The following FN1 variants were observed in gnomAD, a reference collection of about 807,000 sequenced individuals.
FN1 encodes fibronectin 1, also known as fibronectin.
In FN1, 106 loss-of-function variants were observed where a neutral mutation model predicts 297.3. The ratio of observed to expected loss-of-function variants is 0.36; its 90% CI spans 0.30 to 0.42. The LOEUF (loss-of-function observed/expected upper bound fraction) is 0.42. Among genes scored for constraint, FN1 ranks in the 10% least tolerant of loss-of-function variants. The probability of loss-of-function intolerance (pLI) is 1.00; values close to 1 mark genes in which losing one functional copy is unlikely to be tolerated. For synonymous variants in FN1, 1,149 were observed against 1,152.6 expected, an observed-to-expected ratio of 1.00 and a Z score of 0.06; for missense variants, 2,690 against 3,124.9, an observed-to-expected ratio of 0.86 and a Z score of 3.32.
chr2:215,371,086 C>G (rs180950659), intron 40 of FN1, among the ~76,000 whole-genome samples: 8 of 150,910 alleles, frequency 5.3e-5, no homozygotes, highest in African/African-American at 1.9e-4. Flanking sequence ...TGGCCAACAT[C>G]GTGAAACCCC....
At chr2:215,432,625 G>A (rs2066728165) in intron 3 of FN1, among the ~76,000 whole-genome samples, 1 of 152,166 alleles carries the variant, frequency 6.6e-6, no homozygotes, top group Non-Finnish European at 1.5e-5. Context: ...AAGTCTTTAA[G>A]ACGACTTATA....
rs746165881 is a variant in FN1 at position 215,428,235 on chromosome 2, G to A, written c.789C>T (p.Asn263=). Residue 263 remains asparagine, a synonymous_variant, in exon 6 of 46, where the codon AAC becomes AAT. Transcript: ENST00000354785. The part of the protein sequence containing the change: ...GNLLQCICTG[N]GRGEWKCERH... ...TCTCACACTTCCACTCTCCTCGGCC[G>A]TTGCCTGTGCAGATGCACTGGAGCA... 1.3e-5 allele frequency: 21 copies of A among 1,614,066 alleles called. No homozygotes were observed. The highest frequency in any genetic ancestry group is 8.3e-5 in the Admixed American group (5 of 60,010).
At chr2:215,364,202 T>C (rs903150242) in intron 44 of FN1, among the ~76,000 whole-genome samples, 1 of 152,264 alleles carries the variant, frequency 6.6e-6, no homozygotes, top group Non-Finnish European at 1.5e-5. Flanking sequence ...TCATTTCCTC[T>C]GTTTTTCCTA....
In FN1 at chr2:215,404,488, G is replaced by C. The variant is rs768770747; in HGVS notation, c.3154C>G (p.Pro1052Ala). ...GATGCAGGCTGCAGATTCCTCAGTG[G>C]GTACTTGGAGACAGAGGGACCCACA... ...YNVGPSVSKY[P>A]LRNLQPASEY... The change falls in exon 20 of 46, where the codon CCA (proline) becomes GCA (alanine). Residue 1052 changes from proline (P) to alanine (A), a missense_variant. Around this residue, in one of 3 missense-constraint regions of FN1, gnomAD observed 1,743 missense variants for 1,945.2 expected, o/e 0.90. Transcript: ENST00000354785. The C allele has an allele frequency of 2.5e-6, 4 of 1,614,022 alleles. No individual in the cohort carries two copies. The South Asian group carries it at 4.4e-5, about 18-fold the overall frequency.
intron 24 of FN1, 86 bp from the exon 25 acceptor site, chr2:215,393,289 G>A: frequency 7.8e-7 from 1 of 1,285,948 alleles, no homozygotes. Flanking sequence ...TGTATATCAG[G>A]TTACTAGTAG....
Position 215,387,066 on chromosome 2 carries a change from C to T in FN1, c.4343-108G>A. The T allele has an allele frequency of 3.1e-6, 3 of 953,858 alleles. No individual in the cohort carries two copies. The South Asian group carries it at 4.8e-5, about 15-fold the overall frequency. The allele number at this position is 953,858 out of a possible 1,614,324, so 59.1% of individuals were successfully genotyped here. A position where few individuals can be genotyped will look rare whatever the true frequency, so the allele number is the denominator to read the frequency against. ...ATTAACGTACATCCAACATTTCGTT[C>T]CTGTCTCATCAATACCATGATTTGC... On this transcript the variant is annotated intron_variant, in intron 27 of 45. Transcript: ENST00000354785.
chr2:215,387,795 A>C (rs1018814148), intron 27 of FN1, among the ~76,000 whole-genome samples: 8 of 152,232 alleles, frequency 5.3e-5, no homozygotes, highest in Non-Finnish European at 1.0e-4. Flanking sequence ...TATGAGATTC[A>C]ATTCAACTTC....
rs1269562375 is a variant in FN1, at chr2:215,389,016, A to G, written c.4253-715T>C. 6.1e-4 allele frequency among the ~76,000 whole-genome samples: 92 copies of G among 151,058 alleles called. No homozygotes were observed. The Admixed American group carries it at 6.1e-3, about 10-fold the overall frequency. ...GGAAAAAAGCCACACTTAGAAAGCA[A>G]TCGGTTCTGCCATATTAAAATGAGA... On this transcript the variant is annotated intron_variant, in intron 26 of 45. Coordinates refer to ENST00000354785, the MANE Select transcript of FN1 (RefSeq NM_212482.4).
At chr2:215,413,097 G>C (rs2062912852) in intron 13 of FN1, among the ~76,000 whole-genome samples, 1 of 152,052 alleles carries the variant, frequency 6.6e-6, no homozygotes, top group Non-Finnish European at 1.5e-5. Flanking sequence ...GCTTCGTATA[G>C]GAATTATTGC....
At chr2:215,385,382 TA>T (rs755842637) in intron 28 of FN1, among the ~76,000 whole-genome samples, 8 of 149,914 alleles carry the variant, frequency 5.3e-5, no homozygotes, top group Non-Finnish European at 1.2e-4. Context: ...GCCAACATGG[TA>T]AAATCCCATC....
Position 215,406,438 on chromosome 2 carries a change from G to T in FN1, c.2786C>A (p.Pro929Gln), listed in dbSNP as rs370103949. 2.5e-6 allele frequency: 4 copies of T among 1,613,976 alleles called. No homozygotes were observed. The East Asian group carries it at 8.9e-5, about 36-fold the overall frequency. ...TDVKVTIMWTPPESAVTGYRV... is the reference protein window; with the variant it reads ...TDVKVTIMWTQPESAVTGYRV... The stretch of plus-strand genomic sequence containing the variant: ...GTAGCCGGTCACTGCACTCTCAGGC[G>T]GTGTCCACATGATGGTGACCTTCAC... Residue 929 changes from proline (P) to glutamine (Q), a missense_variant, in exon 19 of 46, where the codon CCG becomes CAG. Pro to Gln is a moderately conservative substitution (Grantham distance 76). Transcript: ENST00000354785.
rs762328949 is a variant in FN1, at chr2:215,361,996, A to G, written c.7335T>C (p.Ser2445=). ...GTTGQSYNQY[S]QRYHQRTNTN... The stretch of plus-strand genomic sequence containing the variant: ...TGTTTGTTCTCTGATGGTATCTCTG[A>G]GAATACTGGTTGTAGGACTGGCCAG... Residue 2445 remains serine, a synonymous_variant, in exon 45 of 46, where the codon TCT becomes TCC. Transcript: ENST00000354785. 4.3e-6 allele frequency: 7 copies of G among 1,613,926 alleles called. No individual in the cohort carries two copies. In the Admixed American group the frequency reaches 1.2e-4, roughly 27 times the overall value.
chr2:215,369,215 TAAA>T (rs58108373), intron 41 of FN1, among the ~76,000 whole-genome samples: 4 of 138,014 alleles, frequency 2.9e-5, no homozygotes, highest in African/African-American at 1.1e-4. Context: ...ATGGAATCTT[TAAA>T]AAAAAAAAAA....
Position 215,397,144 on chromosome 2 carries a change from G to A in FN1, c.3597C>T (p.Thr1199=), listed in dbSNP as rs2060392611. 6.2e-7 allele frequency: 1 copy of A among 1,611,376 alleles called. No homozygotes were observed. Among genetic ancestry groups the A allele is most frequent in the South Asian group, 1.1e-5 (1 of 91,042 alleles). ...GVLTVSWERS[T]TPDITGYRIT... is the part of the protein sequence containing the mutation. ...GATCCATCCCAAACTTACCTGGGGTGGTGCTCCTCTCCCAGGAGACTGTGA... is the reference window on the plus strand; with the variant it reads ...GATCCATCCCAAACTTACCTGGGGTAGTGCTCCTCTCCCAGGAGACTGTGA... The change falls in exon 23 of 46, where the codon ACC becomes ACT. Residue 1199 remains threonine, a synonymous_variant. Transcript: ENST00000354785.
intron 26 of FN1, among the ~76,000 whole-genome samples, chr2:215,390,249 T>C (rs2059564839): frequency 6.6e-6 from 1 of 152,164 alleles, no homozygotes; most frequent in African/African-American, 2.4e-5. Flanking sequence ...AGTGGCACGA[T>C]CATGGCTTGC....
At chr2:215,378,542 G>A (rs748926475) in intron 34 of FN1, among the ~76,000 whole-genome samples, 2 of 152,024 alleles carry the variant, frequency 1.3e-5, no homozygotes, top group African/African-American at 2.4e-5. Flanking sequence ...GGGTATTAGC[G>A]TATTTTTCTT....
chr2:215,364,264 A>G (rs1475225870), intron 44 of FN1: 1 of 175,268 alleles, frequency 5.7e-6, no homozygotes, highest in East Asian at 1.4e-4. Context: ...CTGAATCAAG[A>G]GAGAGGTTAA....
chr2:215,372,868 T>G (rs993073390), intron 39 of FN1, among the ~76,000 whole-genome samples: 1 of 152,216 alleles, frequency 6.6e-6, no homozygotes, highest in Non-Finnish European at 1.5e-5. Flanking sequence ...TTTTCCTATA[T>G]CAGGAATACA....
At chr2:215,373,458 G>C (rs1239988709) in intron 38 of FN1, 47 bp from the exon 39 acceptor site, 7 of 1,509,560 alleles carry the variant, frequency 4.6e-6, no homozygotes, top group African/African-American at 1.4e-5. Flanking sequence ...GGCTCAGCTA[G>C]TCAAGTGGAA....
Sources: allele counts gnomAD v4.1 joint callset (sites outside exome capture counted in the v4.1 genomes callset), GRCh38; gene constraint gnomAD v4.1.1; regional missense constraint gnomAD v4.1.1; transcripts MANE v1.5; gene names NCBI Gene and HGNC (gene_info 2026-07-23, HGNC 2026-07-21).